DAP: variants seen among roughly 807,000 people sequenced by gnomAD.
DAP encodes the protein death-associated protein 1.
DAP carries 8 observed loss-of-function variants against 13.8 expected under a neutral mutation model. That is an observed-to-expected ratio of 0.58 (90% confidence interval 0.34 to 1.05). The LOEUF (loss-of-function observed/expected upper bound fraction) is 1.05, where lower values mean the gene tolerates loss of function less well. Ranked by LOEUF, DAP falls within the 50% of genes least tolerant of loss-of-function variation. The probability of loss-of-function intolerance (pLI) is 0.03; values close to 1 mark genes in which losing one functional copy is unlikely to be tolerated. For synonymous variants in DAP, 47 were observed against 47.5 expected, an observed-to-expected ratio of 0.99 and a Z score of 0.04; for missense variants, 106 against 133.2, an observed-to-expected ratio of 0.80 and a Z score of 1.01.
At chr5:10,736,752 TC>T (rs1477370799) in intron 2 of DAP, among the ~76,000 whole-genome samples, 2 of 152,348 alleles carry the variant, frequency 1.3e-5, no homozygotes, top group East Asian at 3.9e-4. Flanking sequence ...TGATTCTCCT[TC>T]CCAGGGCAGA....
In DAP at chr5:10,680,870, A is replaced by G; in HGVS notation, c.*186T>C. On this transcript the variant is annotated 3_prime_UTR_variant, in exon 4 of 4. Coordinates refer to ENST00000230895, the MANE Select transcript of DAP (RefSeq NM_004394.3). ...TGACATCCAACCAGACTCCCCATAA[A>G]CAAGGTTTGGGCTGGAGCTGTTTCT... 2 of 1,536,988 alleles carry G rather than the reference A, an allele frequency of 1.3e-6. No individual in the cohort carries two copies. The highest frequency in any genetic ancestry group is 1.7e-6 in the Non-Finnish European group (2 of 1,147,030).
At chr5:10,742,610 G>A (rs1328542815) in intron 2 of DAP, among the ~76,000 whole-genome samples, 4 of 152,070 alleles carry the variant, frequency 2.6e-5, no homozygotes, top group African/African-American at 9.7e-5. Context: ...CTTCAGGTGG[G>A]CTTCTATAAC....
intron 2 of DAP, among the ~76,000 whole-genome samples, chr5:10,695,744 G>A (rs1738423569): frequency 2.6e-5 from 4 of 152,198 alleles, no homozygotes; most frequent in Admixed American, 2.0e-4. Context: ...GTCTGGGCCA[G>A]GTCTGGGTCT....
At chr5:10,700,148 C>T (rs1371207544) in intron 2 of DAP, among the ~76,000 whole-genome samples, 1 of 152,228 alleles carries the variant, frequency 6.6e-6, no homozygotes, top group African/African-American at 2.4e-5. Context: ...AAACTTTCCA[C>T]TAAGACGTCA....
At position 10,729,429 on chromosome 5, in the gene DAP, T is replaced by C. The variant is rs976161674; in HGVS notation, c.152+18746A>G. ...CCAAAAAGTAAACAGCAATTACTTC[T>C]CTTAATTTAGATTGGCCAAGATTGC... On this transcript the variant is annotated intron_variant, in intron 2 of 3. Transcript: ENST00000230895. 2.6e-5 allele frequency among the ~76,000 whole-genome samples: 4 copies of C among 152,348 alleles called. No individual in the cohort carries two copies. The East Asian group carries it at 7.7e-4, about 29-fold the overall frequency.
chr5:10,687,818 T>C (rs1489838016), intron 2 of DAP, among the ~76,000 whole-genome samples: 1 of 151,872 alleles, frequency 6.6e-6, no homozygotes, highest in Non-Finnish European at 1.5e-5. Context: ...TAAAATGCTA[T>C]CAAACAACAT....
intron 2 of DAP, among the ~76,000 whole-genome samples, chr5:10,687,354 G>A (rs1561006231): frequency 6.6e-6 from 1 of 152,276 alleles, no homozygotes; most frequent in East Asian, 1.9e-4. Flanking sequence ...TTTGGGCAAA[G>A]TAAATTGAAA....
intron 2 of DAP, among the ~76,000 whole-genome samples, chr5:10,709,334 G>A (rs574731207): frequency 9.2e-5 from 14 of 152,308 alleles, no homozygotes; most frequent in South Asian, 4.1e-4. Context: ...CCGACTATGC[G>A]ATGCTGCAGC....
chr5:10,714,952 A>G (rs1738945629), intron 2 of DAP, among the ~76,000 whole-genome samples: 1 of 152,180 alleles, frequency 6.6e-6, no homozygotes, highest in African/African-American at 2.4e-5. Flanking sequence ...CTGCAGAACC[A>G]TGAGCCAGTT....
At chr5:10,737,719 A>G (rs1324425580) in intron 2 of DAP, among the ~76,000 whole-genome samples, 1 of 152,236 alleles carries the variant, frequency 6.6e-6, no homozygotes, top group Non-Finnish European at 1.5e-5. Flanking sequence ...GAACCATTAA[A>G]AATTGCTATA....
intron 2 of DAP, among the ~76,000 whole-genome samples, chr5:10,717,850 T>A (rs1739032734): frequency 6.6e-6 from 1 of 152,208 alleles, no homozygotes; most frequent in African/African-American, 2.4e-5. Context: ...GAAGTGAAAT[T>A]GATAGGAAGC....
chr5:10,731,321 C>T (rs367572481), intron 2 of DAP, among the ~76,000 whole-genome samples: 1 of 152,146 alleles, frequency 6.6e-6, no homozygotes, highest in African/African-American at 2.4e-5. Context: ...CTACTGAGAG[C>T]CCTGCGGGTG....
At chr5:10,738,502 C>T (rs1241075176) in intron 2 of DAP, among the ~76,000 whole-genome samples, 1 of 152,158 alleles carries the variant, frequency 6.6e-6, no homozygotes, top group Admixed American at 6.5e-5. Context: ...GCAGCCCCTG[C>T]CCTGAAAGCA....
At chr5:10,689,784 G>A (rs1229203057) in intron 2 of DAP, among the ~76,000 whole-genome samples, 2 of 152,142 alleles carry the variant, frequency 1.3e-5, no homozygotes, top group Admixed American at 6.5e-5. Context: ...GTCTGATGCC[G>A]CAGTCAAAGG....
At chr5:10,689,083 G>A (rs534858452) in intron 2 of DAP, among the ~76,000 whole-genome samples, 4 of 152,224 alleles carry the variant, frequency 2.6e-5, no homozygotes, top group East Asian at 3.9e-4. Flanking sequence ...CATTGATCAC[G>A]ACAAGGGTGG....
At chr5:10,746,289 G>A (rs1739902841) in intron 2 of DAP, among the ~76,000 whole-genome samples, 1 of 151,202 alleles carries the variant, frequency 6.6e-6, no homozygotes, top group South Asian at 2.1e-4. Context: ...ACATAGCTTT[G>A]TGAATACAGT....
At chr5:10,697,299 T>C (rs1031273323) in intron 2 of DAP, among the ~76,000 whole-genome samples, 1 of 152,230 alleles carries the variant, frequency 6.6e-6, no homozygotes, top group Non-Finnish European at 1.5e-5. Context: ...TGCGCGGCTG[T>C]CCAGCAGGGC....
intron 1 of DAP, 47 bp downstream of exon 1, chr5:10,760,967 C>A: frequency 8.5e-7 from 1 of 1,179,554 alleles, no homozygotes; most frequent in East Asian, 3.8e-5. Flanking sequence ...CGGGTTCGAG[C>A]CCGCCCCCGG....
At chr5:10,682,379 G>A (rs565238963) in intron 3 of DAP, among the ~76,000 whole-genome samples, 5 of 140,990 alleles carry the variant, frequency 3.5e-5, no homozygotes, top group Admixed American at 2.1e-4. Context: ...CACCAGTGTC[G>A]CTGGAGGAAG....
Sources: gnomAD v4.1 joint callset for allele counts (sites outside exome capture counted in the v4.1 genomes callset) on GRCh38, gnomAD v4.1.1 for gene constraint, MANE v1.5 for transcripts, NCBI Gene and HGNC (gene_info 2026-07-23, HGNC 2026-07-21) for gene names.